Variants in SIMC1 observed in about 807,000 individuals in gnomAD.
SIMC1 encodes the protein SUMO-interacting motif-containing protein 1.
SIMC1 carries 55 observed loss-of-function variants against 82.3 expected under a neutral mutation model. The ratio of observed to expected loss-of-function variants is 0.67; its 90% CI spans 0.54 to 0.84. SIMC1 has a LOEUF of 0.84. Ranked by LOEUF, SIMC1 falls within the 40% of genes least tolerant of loss-of-function variation. SIMC1 has a pLI of 0.00. For synonymous variants in SIMC1, 353 were observed against 426.3 expected, an observed-to-expected ratio of 0.83 and a Z score of 2.12; for missense variants, 915 against 1,107.2, an observed-to-expected ratio of 0.83 and a Z score of 2.46.
chr5:176,253,396 T>C (rs1761753667), intron 1 of SIMC1, among the ~76,000 whole-genome samples: 1 of 152,152 alleles, frequency 6.6e-6, no homozygotes, highest in African/African-American at 2.4e-5. Context: ...GTATTTTTAG[T>C]AGAGACGGAG....
chr5:176,246,444 G>C (rs1412666523), intron 1 of SIMC1, among the ~76,000 whole-genome samples: 20 of 149,618 alleles, frequency 1.3e-4, no homozygotes, highest in African/African-American at 5.0e-4. Context: ...GTGTGTGTGT[G>C]TGTGTTGTTT....
intron 1 of SIMC1, among the ~76,000 whole-genome samples, chr5:176,287,660 A>G (rs1038811559): frequency 2.2e-4 from 33 of 151,746 alleles, no homozygotes; most frequent in Non-Finnish European, 4.6e-4. Context: ...ATAAATAAAA[A>G]TAAAATGTAA....
chr5:176,326,422 A>G (rs1000761250), intron 7 of SIMC1, among the ~76,000 whole-genome samples: 5 of 151,888 alleles, frequency 3.3e-5, no homozygotes, highest in Non-Finnish European at 4.4e-5. Flanking sequence ...ATTTAGAAAC[A>G]GGGTCTTGCT....
chr5:176,243,049 G>A (rs1237053536), intron 1 of SIMC1, among the ~76,000 whole-genome samples: 2 of 151,856 alleles, frequency 1.3e-5, no homozygotes, highest in Admixed American at 6.6e-5. Flanking sequence ...TATTTATTGA[G>A]CATATGCTGT....
chr5:176,333,875 CTT>C (rs550709965), intron 7 of SIMC1, among the ~76,000 whole-genome samples: 148 of 151,012 alleles, frequency 9.8e-4, no homozygotes, highest in Non-Finnish European at 1.6e-3. Context: ...TGTTTTCTCT[CTT>C]TCTCTCTCAA....
chr5:176,303,397 A>G (rs1417512241), intron 4 of SIMC1, among the ~76,000 whole-genome samples: 2 of 142,244 alleles, frequency 1.4e-5, no homozygotes, highest in African/African-American at 5.2e-5. Flanking sequence ...GCGCAATCTC[A>G]GCTCACTACA....
chr5:176,263,282 C>T (rs1019623558), intron 1 of SIMC1: 2 of 751,884 alleles, frequency 2.7e-6, no homozygotes, highest in Non-Finnish European at 3.9e-6. Context: ...CATCAACAAA[C>T]TGATTGTAAA....
rs555859096 is a variant in SIMC1, at chr5:176,243,741, G to A, written c.129+5104G>A. 2.4e-3 allele frequency among the ~76,000 whole-genome samples: 359 copies of A among 152,136 alleles called. 2 individuals are homozygous for A. The highest frequency in any genetic ancestry group is 8.2e-3 in the African/African-American group (338 of 41,452). On this transcript the variant is annotated intron_variant, in intron 1 of 9. Transcript: ENST00000429602. ...TCACCATGTTGGCCAGGATGGTCTA[G>A]ATCTCCTGACCTCATGATCCACCCG...
chr5:176,251,181 G>A (rs954547630), intron 1 of SIMC1, among the ~76,000 whole-genome samples: 1 of 152,128 alleles, frequency 6.6e-6, no homozygotes. Context: ...GCAACATGGT[G>A]AAACCCTGTC....
At chr5:176,256,233 C>T (rs1426623829) in intron 1 of SIMC1, among the ~76,000 whole-genome samples, 1 of 152,094 alleles carries the variant, frequency 6.6e-6, no homozygotes, top group African/African-American at 2.4e-5. Context: ...TTATTAAAAG[C>T]AGATCAATAC....
intron 7 of SIMC1, among the ~76,000 whole-genome samples, chr5:176,330,227 C>G (rs756434374): frequency 1.1e-4 from 16 of 151,944 alleles, no homozygotes; most frequent in Non-Finnish European, 2.1e-4. Context: ...ATGGTGAAAC[C>G]CTGTCTCTAC....
intron 1 of SIMC1, among the ~76,000 whole-genome samples, chr5:176,284,282 A>G (rs1460438584): frequency 6.6e-6 from 1 of 152,132 alleles, no homozygotes; most frequent in East Asian, 1.9e-4. Context: ...GAAGTAAAGC[A>G]CTCCTCAGCA....
chr5:176,282,395 A>G (rs913956489), intron 1 of SIMC1, among the ~76,000 whole-genome samples: 7 of 152,212 alleles, frequency 4.6e-5, no homozygotes, highest in African/African-American at 1.2e-4. Flanking sequence ...GAGTGAGGCA[A>G]TGCCTCGCCC....
intron 1 of SIMC1, among the ~76,000 whole-genome samples, chr5:176,280,853 T>C (rs1271022199): frequency 2.0e-5 from 3 of 152,352 alleles, no homozygotes; most frequent in South Asian, 4.1e-4. Flanking sequence ...TCTCTCTGGC[T>C]GCCCTTAACA....
At chr5:176,255,880 C>G (rs1159714437) in intron 1 of SIMC1, among the ~76,000 whole-genome samples, 2 of 151,866 alleles carry the variant, frequency 1.3e-5, no homozygotes, top group African/African-American at 4.8e-5. Flanking sequence ...AAAAAAGTTA[C>G]AGAAGATGAA....
At chr5:176,280,487 G>A (rs1762942066) in intron 1 of SIMC1, among the ~76,000 whole-genome samples, 3 of 151,400 alleles carry the variant, frequency 2.0e-5, no homozygotes, top group Admixed American at 2.0e-4. Context: ...TATGATGTTA[G>A]CTGGTTATTT....
At chr5:176,249,289 T>G (rs532438377) in intron 1 of SIMC1, among the ~76,000 whole-genome samples, 1 of 152,236 alleles carries the variant, frequency 6.6e-6, no homozygotes, top group African/African-American at 2.4e-5. Context: ...AACTTGTTAT[T>G]GGTCTATTCA....
At chr5:176,242,686 T>G (rs1761313074) in intron 1 of SIMC1, among the ~76,000 whole-genome samples, 1 of 152,114 alleles carries the variant, frequency 6.6e-6, no homozygotes, top group Non-Finnish European at 1.5e-5. Flanking sequence ...TGCATTAATA[T>G]TCTTACCAGT....
intron 1 of SIMC1, among the ~76,000 whole-genome samples, chr5:176,271,166 C>T (rs1028394767): frequency 6.6e-6 from 1 of 152,178 alleles, no homozygotes; most frequent in South Asian, 2.1e-4. Flanking sequence ...TCGAGACCAG[C>T]CTGGCCAACA....
Sources: allele counts gnomAD v4.1 joint callset (sites outside exome capture counted in the v4.1 genomes callset), GRCh38; gene constraint gnomAD v4.1.1; transcripts MANE v1.5; gene names NCBI Gene and HGNC (gene_info 2026-07-23, HGNC 2026-07-21).